Variants in MCF2 observed in about 807,000 individuals in gnomAD.
MCF2 encodes the protein MCF.2 cell line derived transforming sequence.
In MCF2, 44 loss-of-function variants were observed where a neutral mutation model predicts 82.5. That is an observed-to-expected ratio of 0.53 (90% CI 0.42 to 0.69). The LOEUF (loss-of-function observed/expected upper bound fraction) is 0.69, where lower values mean the gene tolerates loss of function less well. Ranked by LOEUF, MCF2 falls within the 30% of genes least tolerant of loss-of-function variation. The probability of loss-of-function intolerance (pLI) is 0.00; values close to 1 mark genes in which losing one functional copy is unlikely to be tolerated. For synonymous variants in MCF2, 217 were observed against 224.9 expected (o/e 0.96, Z 0.32); for missense variants, 623 against 663.1 (o/e 0.94, Z 0.66).
intron 21 of MCF2, 42 bp from the exon 26 acceptor site, chrX:139,587,830 C>T (rs771767380): frequency 4.7e-6 from 4 of 844,713 alleles, no homozygotes; most frequent in East Asian, 3.1e-5. Context: ...AGAAGTCACA[C>T]TTCTTACTTC....
chrX:139,657,200 A>C (rs946747794), intron 1 of MCF2, among the ~76,000 whole-genome samples: 2 of 112,476 alleles, frequency 1.8e-5, no homozygotes, highest in Non-Finnish European at 3.8e-5. Context: ...CAAAATAAGC[A>C]TTTCCAATTA....
At position 139,607,860 on chromosome X, in the gene MCF2, T is replaced by C. The variant is rs563877187; in HGVS notation, c.1402-81A>G. ...CAAGGCGATCCAGCTCAAATTAAGTTTATTCTAGGTCCTAACTCTGAAGAT... is the reference window on the plus strand; with the variant it reads ...CAAGGCGATCCAGCTCAAATTAAGTCTATTCTAGGTCCTAACTCTGAAGAT... On this transcript the variant is annotated intron_variant, in intron 11 of 24. Transcript: ENST00000370576. 9 of 598,199 alleles carry C rather than the reference T, an allele frequency of 1.5e-5. No individual in the cohort carries two copies. In the East Asian group the frequency reaches 2.1e-4, roughly 14 times the overall value. The allele number at this position is 598,199 out of a possible 1,213,427, so 49.3% of individuals were successfully genotyped here.
intron 1 of MCF2, among the ~76,000 whole-genome samples, chrX:139,678,233 A>G (rs948272083): frequency 4.5e-5 from 5 of 111,827 alleles, no homozygotes; most frequent in African/African-American, 1.3e-4. Flanking sequence ...GGCCAAAATC[A>G]TTACTTAGGC....
At chrX:139,621,229 T>G (rs1221554301) in intron 6 of MCF2, among the ~76,000 whole-genome samples, 1 of 111,579 alleles carries the variant, frequency 9.0e-6, no homozygotes, top group African/African-American at 3.3e-5. Context: ...ATGCAAGACC[T>G]CAATATACAA....
intron 1 of MCF2, among the ~76,000 whole-genome samples, chrX:139,698,672 T>C (rs1935427243): frequency 8.9e-6 from 1 of 111,842 alleles, no homozygotes; most frequent in African/African-American, 3.2e-5. Flanking sequence ...AGGTCCATAA[T>C]TGTACATATG....
chrX:139,631,540 T>A (rs1250129191), intron 2 of MCF2, 29 bp from the exon 6 acceptor site: 1 of 890,233 alleles, frequency 1.1e-6, no homozygotes, highest in Non-Finnish European at 1.6e-6. Context: ...AAGATACTGT[T>A]AACTGCCCTT....
At chrX:139,587,871 A>T (rs911854980) in intron 21 of MCF2, 83 bp from the exon 26 acceptor site, 127 of 401,627 alleles carry the variant, frequency 3.2e-4, no homozygotes, top group African/African-American at 2.7e-3. Context: ...TCTCTCTCAC[A>T]CACACACACA....
intron 6 of MCF2, among the ~76,000 whole-genome samples, chrX:139,620,027 G>GTGTGTGTA (rs1308473149): frequency 9.0e-5 from 9 of 100,403 alleles, no homozygotes; most frequent in African/African-American, 3.7e-4. Context: ...GTGTGTGTGT[G>GTGTGTGTA]TATATATATA....
chrX:139,593,349 C>CT (rs766727967), intron 19 of MCF2, among the ~76,000 whole-genome samples: 2 of 110,916 alleles, frequency 1.8e-5, no homozygotes, highest in Admixed American at 9.6e-5. Flanking sequence ...GCTCCTGAAT[C>CT]TCTGAATAGA....
intron 19 of MCF2, among the ~76,000 whole-genome samples, chrX:139,596,107 C>T (rs1315131307): frequency 9.0e-6 from 1 of 111,235 alleles, no homozygotes; most frequent in African/African-American, 3.3e-5. Context: ...ATGCTAAACA[C>T]AAAAGTTACC....
chrX:139,682,479 G>A (rs149506012), intron 1 of MCF2, among the ~76,000 whole-genome samples: 6 of 112,425 alleles, frequency 5.3e-5, no homozygotes, highest in Non-Finnish European at 1.1e-4. Flanking sequence ...AACTACATAC[G>A]TGGTGATTTA....
At chrX:139,694,066 T>C (rs1490282863) in intron 1 of MCF2, among the ~76,000 whole-genome samples, 2 of 111,885 alleles carry the variant, frequency 1.8e-5, no homozygotes, top group Non-Finnish European at 3.8e-5. Context: ...GGAAAGCACT[T>C]GGTTATAGGA....
intron 1 of MCF2, among the ~76,000 whole-genome samples, chrX:139,664,295 C>G (rs189018510): frequency 9.3e-6 from 1 of 107,905 alleles, no homozygotes; most frequent in East Asian, 2.9e-4. Flanking sequence ...TGAGCCACCG[C>G]GCCCAGCCTT....
Position 139,601,709 on chromosome X carries a change from T to C in MCF2, c.1836+697A>G, listed in dbSNP as rs376331495. Among the ~76,000 whole-genome samples the C allele has an allele frequency of 4.4e-4, 49 of 111,416 alleles. No homozygotes were observed. In the East Asian group the frequency reaches 0.012, roughly 27 times the overall value. ...CAGGTGAGGAGAATTCCAAAAATTA[T>C]GTTCACCAAGATCCCCAGATGACAG... On this transcript the variant is annotated intron_variant, in intron 16 of 24. Transcript: ENST00000370576.
intron 1 of MCF2, among the ~76,000 whole-genome samples, chrX:139,674,357 T>C (rs1249807635): frequency 8.9e-6 from 1 of 111,826 alleles, no homozygotes. Flanking sequence ...AATTTGATCC[T>C]GTCATTATGA....
chrX:139,642,564 A>G (rs1933632678), exon 1 of MCF2: 3 of 1,208,623 alleles, frequency 2.5e-6, no homozygotes, highest in African/African-American at 1.8e-5. Context: ...TGTCAACGCA[A>G]CGTTGATGAA....
intron 1 of MCF2, among the ~76,000 whole-genome samples, chrX:139,658,180 G>T (rs1802269902): frequency 9.0e-6 from 1 of 111,465 alleles, no homozygotes; most frequent in Non-Finnish European, 1.9e-5. Context: ...ATAGAATTCT[G>T]AGTCATATTC....
intron 1 of MCF2, among the ~76,000 whole-genome samples, chrX:139,656,863 T>C (rs1934215572): frequency 8.9e-6 from 1 of 112,185 alleles, no homozygotes; most frequent in South Asian, 3.7e-4. Context: ...ATAAAAAGCC[T>C]AGATCACCAA....
chrX:139,650,264 G>T (rs1290679580), intron 2 of MCF2, among the ~76,000 whole-genome samples: 10 of 111,603 alleles, frequency 9.0e-5, no homozygotes, highest in Non-Finnish European at 1.9e-4. Context: ...TGAGGTGGAA[G>T]GATCACTTGA....
Sources: allele counts gnomAD v4.1 joint callset (sites outside exome capture counted in the v4.1 genomes callset), GRCh38; gene constraint gnomAD v4.1.1; transcripts MANE v1.5; gene names NCBI Gene and HGNC (gene_info 2026-07-23, HGNC 2026-07-21).